The following TEX29 variants were observed in gnomAD, a reference collection of about 807,000 sequenced individuals.
The protein encoded by TEX29 is testis-expressed protein 29.
TEX29 carries 26 observed loss-of-function variants against 18.2 expected under a neutral mutation model. That is an observed-to-expected ratio of 1.43 (90% CI 1.04 to 1.98). The LOEUF is 1.98. Among genes scored for constraint, TEX29 ranks in the 30% most tolerant of loss-of-function variants. The pLI, the probability that TEX29 is intolerant of heterozygous loss-of-function variation, is 0.00. For synonymous variants in TEX29, 83 were observed against 78.5 expected, an observed-to-expected ratio of 1.06 and a Z score of -0.31; for missense variants, 177 against 194.2, an observed-to-expected ratio of 0.91 and a Z score of 0.53.
intron 2 of TEX29, among the ~76,000 whole-genome samples, chr13:111,321,408 G>A (rs1175789396): frequency 1.3e-5 from 2 of 152,222 alleles, no homozygotes; most frequent in South Asian, 2.1e-4. Flanking sequence ...AACCACCGGT[G>A]TGGGATGTGG....
intron 3 of TEX29, among the ~76,000 whole-genome samples, chr13:111,334,470 C>T (rs990978744): frequency 1.3e-5 from 2 of 152,260 alleles, no homozygotes; most frequent in Non-Finnish European, 2.9e-5. Flanking sequence ...CCTTAGCTTT[C>T]ACTTCCTGCT....
At chr13:111,339,454 C>A in intron 3 of TEX29, 1 of 427,988 alleles carries the variant, frequency 2.3e-6, no homozygotes. Flanking sequence ...GAGCCAGCGC[C>A]ATCTCTCAGC....
upstream of TEX29, among the ~76,000 whole-genome samples, chr13:111,319,563 G>A (rs930806084): frequency 3.3e-5 from 5 of 152,026 alleles, no homozygotes; most frequent in African/African-American, 1.2e-4. Flanking sequence ...CCCCAGCAGC[G>A]TCCTCGGCTC....
chr13:111,326,869 G>T (rs905000777), intron 2 of TEX29, among the ~76,000 whole-genome samples: 1 of 152,150 alleles, frequency 6.6e-6, no homozygotes, highest in Non-Finnish European at 1.5e-5. Flanking sequence ...TTGCACTCCA[G>T]GAAAAAGGCC....
At chr13:111,318,617 C>G (rs867017521), upstream of TEX29, among the ~76,000 whole-genome samples, 71 of 137,168 alleles carry the variant, frequency 5.2e-4, 1 homozygote, top group South Asian at 0.013. Context: ...GCAGGCTCAT[C>G]TGTCTCCACT....
chr13:111,334,410 T>C (rs961450735), intron 3 of TEX29, among the ~76,000 whole-genome samples: 2 of 152,258 alleles, frequency 1.3e-5, no homozygotes, highest in Non-Finnish European at 2.9e-5. Flanking sequence ...AGGGGTTCTG[T>C]GTGCGTGCTG....
chr13:111,343,057 A>G (rs1172295980), intron 5 of TEX29, 126 bp downstream of exon 5: 4 of 1,181,800 alleles, frequency 3.4e-6, no homozygotes, highest in Non-Finnish European at 3.5e-6. Flanking sequence ...TCAGTGTTGC[A>G]GTTTGTTCAA....
rs756431576 is a variant in TEX29, at chr13:111,328,308, C to T, written c.169+15C>T. On this transcript the variant is annotated intron_variant, in intron 3 of 5. Coordinates refer to ENST00000283547, the MANE Select transcript of TEX29 (RefSeq NM_152324.3). ...AGCGGTTCCCAGTGAGTAGACGCCC[C>T]GGCCACCCCGTGGCGGAAGCCGAGG... 1.2e-5 allele frequency: 19 copies of T among 1,593,018 alleles called. No individual in the cohort carries two copies. The highest frequency in any genetic ancestry group is 4.0e-4 in the Middle Eastern group (2 of 4,948).
At chr13:111,322,524 G>A (rs992357090) in intron 2 of TEX29, among the ~76,000 whole-genome samples, 1 of 152,198 alleles carries the variant, frequency 6.6e-6, no homozygotes, top group African/African-American at 2.4e-5. Flanking sequence ...AGGGGCTGCT[G>A]GAGGCTGGTG....
intron 2 of TEX29, among the ~76,000 whole-genome samples, chr13:111,323,983 C>T (rs912038624): frequency 6.6e-6 from 1 of 152,198 alleles, no homozygotes; most frequent in African/African-American, 2.4e-5. Flanking sequence ...AAATGGGTCT[C>T]CAGGTTCAGA....
At chr13:111,325,091 C>T (rs990336959) in intron 2 of TEX29, among the ~76,000 whole-genome samples, 5 of 152,188 alleles carry the variant, frequency 3.3e-5, no homozygotes, top group African/African-American at 7.2e-5. Flanking sequence ...TCACCTGGCA[C>T]CCCTCAGCCA....
intron 3 of TEX29, among the ~76,000 whole-genome samples, chr13:111,333,379 C>G (rs1051664628): frequency 2.6e-5 from 4 of 152,222 alleles, no homozygotes; most frequent in African/African-American, 9.6e-5. Flanking sequence ...CCACAGACCT[C>G]TAAGGCTGTA....
chr13:111,328,690 A>T (rs1382498507), intron 3 of TEX29, among the ~76,000 whole-genome samples: 1 of 152,186 alleles, frequency 6.6e-6, no homozygotes, highest in Admixed American at 6.5e-5. Context: ...TGAGCCCATC[A>T]GGGTGGAGCG....
rs570928206 is a variant in TEX29 at position 111,321,902 on chromosome 13, C to T, written c.58+954C>T. Among the ~76,000 whole-genome samples the T allele has an allele frequency of 1.2e-4, 18 of 152,238 alleles. No homozygotes were observed. The East Asian group carries it at 3.1e-3, about 26-fold the overall frequency. ...TTGTGCCACTCCACTCCAGCCTGGGCGACAAAGCGAGACTCCGCCTCAAAA... is the reference window on the plus strand; with the variant it reads ...TTGTGCCACTCCACTCCAGCCTGGGTGACAAAGCGAGACTCCGCCTCAAAA... On this transcript the variant is annotated intron_variant, in intron 2 of 5. Transcript: ENST00000283547.
upstream of TEX29, among the ~76,000 whole-genome samples, chr13:111,319,070 G>A (rs2479966): frequency 0.28 from 42,897 of 151,988 alleles, 6,947 homozygotes; most frequent in East Asian, 0.82. Context: ...ATTCCCATTC[G>A]TGAGGCTTCA....
chr13:111,318,028 G>T (rs1371335469), upstream of TEX29, among the ~76,000 whole-genome samples: 2 of 152,150 alleles, frequency 1.3e-5, no homozygotes, highest in African/African-American at 4.8e-5. Context: ...TAGGTCCTAG[G>T]GGTTAGGACT....
intron 2 of TEX29, among the ~76,000 whole-genome samples, chr13:111,325,304 C>T (rs887815470): frequency 1.3e-5 from 2 of 152,252 alleles, no homozygotes; most frequent in Non-Finnish European, 2.9e-5. Context: ...AGGGAGAGAG[C>T]CAGGCAGTGA....
At chr13:111,342,089 G>C (rs998402321) in intron 4 of TEX29, among the ~76,000 whole-genome samples, 5 of 152,150 alleles carry the variant, frequency 3.3e-5, no homozygotes, top group African/African-American at 1.2e-4. Context: ...ATGCAGACCC[G>C]GGGGGCCAAG....
At chr13:111,323,441 G>T (rs72653594) in intron 2 of TEX29, among the ~76,000 whole-genome samples, 16,389 of 152,296 alleles carry the variant, frequency 0.11, 1,012 homozygotes, top group African/African-American at 0.16. Flanking sequence ...GCTGCCTAAA[G>T]ATTAATGTCA....
Sources: allele counts gnomAD v4.1 joint callset (sites outside exome capture counted in the v4.1 genomes callset), GRCh38; gene constraint gnomAD v4.1.1; transcripts MANE v1.5; gene names NCBI Gene and HGNC (gene_info 2026-07-23, HGNC 2026-07-21).